Variants in LINGO2 observed in about 807,000 individuals in gnomAD.
LINGO2 encodes leucine-rich repeat and immunoglobulin-like domain-containing nogo receptor-interacting protein 2.
Under a neutral mutation model 30.6 loss-of-function variants are expected in LINGO2, and 14 were observed. The observed-to-expected ratio is 0.46, with a 90% CI of 0.30 to 0.72. The LOEUF (loss-of-function observed/expected upper bound fraction) is 0.72. LINGO2 is among the 30% of genes least tolerant of loss of function. LINGO2 has a pLI of 0.07. For missense variants in LINGO2, 729 were observed against 751.7 expected (o/e 0.97, Z 0.35); for synonymous variants, 317 against 288.5 (o/e 1.10, Z -1.00).
chr9:28,748,317 T>G, the LINGO2 span, among the ~76,000 whole-genome samples: 5 of 152,036 alleles, frequency 3.3e-5, no homozygotes, highest in African/African-American at 1.2e-4. Context: ...CCATGTGTCT[T>G]CTGAAAATTA....
At chr9:28,557,234 C>T (rs77639873) in intron 1 of LINGO2, among the ~76,000 whole-genome samples, 9,005 of 151,634 alleles carry the variant, frequency 0.059, 497 homozygotes, top group African/African-American at 0.14. Context: ...AGAAAATTTT[C>T]ACAACCTACT....
the LINGO2 span, among the ~76,000 whole-genome samples, chr9:29,198,242 A>G: frequency 6.6e-6 from 1 of 152,220 alleles, no homozygotes; most frequent in East Asian, 1.9e-4. Flanking sequence ...CAAATAGTTG[A>G]CAAGAACCTT....
intron 5 of LINGO2, among the ~76,000 whole-genome samples, chr9:27,951,827 T>TA (rs1373660125): frequency 2.6e-5 from 4 of 152,030 alleles, no homozygotes; most frequent in South Asian, 2.1e-4. Flanking sequence ...GAAAAATTAG[T>TA]AAAAAAATAA....
intron 4 of LINGO2, among the ~76,000 whole-genome samples, chr9:28,082,755 G>C (rs2133225272): frequency 6.6e-6 from 1 of 152,162 alleles, no homozygotes; most frequent in Non-Finnish European, 1.5e-5. Context: ...TTCCCTCTCT[G>C]GATCTCTTTC....
intron 4 of LINGO2, among the ~76,000 whole-genome samples, chr9:28,099,205 A>G (rs757867793): frequency 6.6e-6 from 1 of 152,154 alleles, no homozygotes; most frequent in African/African-American, 2.4e-5. Context: ...CCTAAAAGCC[A>G]TAGCCCCTAT....
intron 1 of LINGO2, among the ~76,000 whole-genome samples, chr9:28,568,223 G>A (rs993837310): frequency 1.3e-5 from 2 of 151,998 alleles, no homozygotes; most frequent in East Asian, 3.8e-4. Context: ...AACAGACAAA[G>A]AGAAAAAAAC....
intron 3 of LINGO2, among the ~76,000 whole-genome samples, chr9:28,351,021 G>A (rs371680038): frequency 6.6e-6 from 1 of 152,078 alleles, no homozygotes; most frequent in Non-Finnish European, 1.5e-5. Context: ...GAAAGTTATA[G>A]CACTAAATGC....
intron 5 of LINGO2, among the ~76,000 whole-genome samples, chr9:28,003,326 TATAG>T (rs1226056964): frequency 1.5e-5 from 2 of 134,968 alleles, no homozygotes; most frequent in Non-Finnish European, 3.1e-5. Flanking sequence ...TTGTTAACCA[TATAG>T]ATATATAGAT....
the LINGO2 span, among the ~76,000 whole-genome samples, chr9:29,063,967 G>T: frequency 6.6e-6 from 1 of 152,112 alleles, no homozygotes; most frequent in East Asian, 1.9e-4. Flanking sequence ...GGTTCTCAAT[G>T]AAAGAAAGTC....
the LINGO2 span, among the ~76,000 whole-genome samples, chr9:29,175,727 A>C: frequency 6.6e-6 from 1 of 151,890 alleles, no homozygotes; most frequent in Non-Finnish European, 1.5e-5. Flanking sequence ...GGGTTTCACC[A>C]TGTTGGCCAG....
chr9:28,390,165 G>C (rs1340781197), intron 2 of LINGO2, among the ~76,000 whole-genome samples: 1 of 152,076 alleles, frequency 6.6e-6, no homozygotes, highest in Non-Finnish European at 1.5e-5. Flanking sequence ...TCCTACCTCA[G>C]CTCATTGCTT....
Position 28,148,680 on chromosome 9 carries a change from T to A in LINGO2, c.-86-136275A>T. 1 of 1,533,696 alleles carries A rather than the reference T, an allele frequency of 6.5e-7. No homozygotes were observed. Among genetic ancestry groups the A allele is most frequent in the East Asian group, 2.4e-5 (1 of 40,902 alleles). On this transcript the variant is annotated intron_variant, in intron 4 of 5. Transcript: ENST00000379992. The surrounding 1 kb of genome is among the most constrained non-coding windows in gnomAD (Gnocchi z 5.1). ...AAGGCCCAGGTGCCTGCAGTGAGTT[T>A]CTACTCCAACGGCCATGGAGTCGCC...
intron 3 of LINGO2, among the ~76,000 whole-genome samples, chr9:28,346,588 T>C (rs1819580548): frequency 6.6e-6 from 1 of 152,144 alleles, no homozygotes; most frequent in African/African-American, 2.4e-5. Flanking sequence ...GGTAGGTCTC[T>C]TTTGAGCTGT....
chr9:28,780,527 G>A, the LINGO2 span, among the ~76,000 whole-genome samples: 2 of 152,092 alleles, frequency 1.3e-5, no homozygotes, highest in Non-Finnish European at 2.9e-5. Flanking sequence ...TCAGGAATGT[G>A]GAAGAGGAAG....
At chr9:28,550,876 A>C (rs569206161) in intron 1 of LINGO2, among the ~76,000 whole-genome samples, 1 of 152,016 alleles carries the variant, frequency 6.6e-6, no homozygotes, top group South Asian at 2.1e-4. Flanking sequence ...GCTACATATT[A>C]TTTTGGATTA....
At chr9:28,616,100 G>A (rs943141737) in intron 1 of LINGO2, among the ~76,000 whole-genome samples, 1 of 152,048 alleles carries the variant, frequency 6.6e-6, no homozygotes, top group Non-Finnish European at 1.5e-5. Context: ...TTCAATTTGT[G>A]AAAGTTCATC....
chr9:29,119,445 T>A, the LINGO2 span, among the ~76,000 whole-genome samples: 1 of 151,796 alleles, frequency 6.6e-6, no homozygotes, highest in Admixed American at 6.6e-5. Flanking sequence ...AAAAAGTGGA[T>A]TGAGTAGAAA....
chr9:28,892,414 T>G, the LINGO2 span, among the ~76,000 whole-genome samples: 2 of 151,996 alleles, frequency 1.3e-5, no homozygotes, highest in African/African-American at 4.8e-5. Context: ...CTGATAAAAA[T>G]GTTCACCAAT....
At chr9:29,165,674 T>A in the LINGO2 span, among the ~76,000 whole-genome samples, 1 of 152,082 alleles carries the variant, frequency 6.6e-6, no homozygotes, top group Non-Finnish European at 1.5e-5. Flanking sequence ...CTTTGTAAAA[T>A]GGATCTACTC....
Sources: gnomAD v4.1 joint callset for allele counts (sites outside exome capture counted in the v4.1 genomes callset) on GRCh38, gnomAD v4.1.1 for gene constraint, Gnocchi (gnomAD v3.1) non-coding constraint, MANE v1.5 for transcripts, NCBI Gene and HGNC (gene_info 2026-07-23, HGNC 2026-07-21) for gene names.